CARD16: variants seen among roughly 807,000 people sequenced by gnomAD.
CARD16 encodes the protein caspase recruitment domain family member 16.
In CARD16, 8 loss-of-function variants were observed where a neutral mutation model predicts 11.9. The observed-to-expected ratio is 0.67, with a 90% CI of 0.39 to 1.21. The LOEUF (loss-of-function observed/expected upper bound fraction) is 1.21, where lower values mean the gene tolerates loss of function less well. Among genes scored for constraint, CARD16 ranks in the 50% most tolerant of loss-of-function variants. The pLI, the probability that CARD16 is intolerant of heterozygous loss-of-function variation, is 0.01. For synonymous variants in CARD16, 44 were observed against 43.8 expected (o/e 1.00, Z -0.02); for missense variants, 131 against 118.1 (o/e 1.11, Z -0.51).
chr11:105,042,223 C>G (rs540470921), intron 3 of CARD16, among the ~76,000 whole-genome samples: 211 of 152,056 alleles, frequency 1.4e-3, no homozygotes, highest in African/African-American at 4.9e-3. Context: ...TCAGCATCTC[C>G]TCCTACAATG....
At chr11:105,045,205 A>T (rs1864178680) in intron 1 of CARD16, 86 bp downstream of exon 1, 2 of 1,584,998 alleles carry the variant, frequency 1.3e-6, no homozygotes, top group Admixed American at 3.3e-5. Context: ...ACTTCCACAG[A>T]TACTAATTAT....
intron 1 of CARD16, chr11:105,044,934 GAAT>G: frequency 1.6e-6 from 1 of 622,502 alleles, no homozygotes; most frequent in Non-Finnish European, 2.8e-6. Context: ...ATTTAACTCT[GAAT>G]AATAAAGTAA....
chr11:105,043,064 G>A (rs569697863), intron 3 of CARD16, among the ~76,000 whole-genome samples: 3 of 152,176 alleles, frequency 2.0e-5, no homozygotes, highest in Middle Eastern at 6.8e-3. Context: ...GAGGAAGGGG[G>A]CCAAGATGAG....
chr11:105,044,734 C>A (rs1864170461), intron 1 of CARD16, 76 bp from the exon 2 acceptor site: 1 of 1,569,362 alleles, frequency 6.4e-7, no homozygotes, highest in South Asian at 1.2e-5. Context: ...AGAAAGTGAC[C>A]TCATTTAGAT....
intron 3 of CARD16, among the ~76,000 whole-genome samples, chr11:105,042,910 A>G (rs1864135828): frequency 6.6e-6 from 1 of 152,230 alleles, no homozygotes; most frequent in Admixed American, 6.5e-5. Flanking sequence ...GCTTTCAAAT[A>G]TAAGTTTCTT....
In CARD16 at chr11:105,043,575, C is replaced by G. The variant is rs113908181; in HGVS notation, c.275-30G>C. 224 of 1,522,000 alleles carry G rather than the reference C, an allele frequency of 1.5e-4. 1 individual carries two copies. The African/African-American group carries it at 2.8e-3, about 19-fold the overall frequency. 94.3% of individuals were successfully genotyped at this position (1,522,000 alleles called of 1,614,324 possible). On this transcript the variant is annotated intron_variant, in intron 2 of 3. Transcript: ENST00000673097. Reference sequence around the variant, plus strand: ...AAAAAGATGAAGAACATTGAAATAGCCACTTATCATCTCTGGAAAACTTTA... The same window carrying G: ...AAAAAGATGAAGAACATTGAAATAGGCACTTATCATCTCTGGAAAACTTTA...
rs377353282 is a variant in CARD16 at position 105,044,505 on chromosome 11, G to T, written c.161C>A (p.Thr54Asn). Residue 54 changes from threonine to asparagine, a missense_variant, in exon 2 of 4, where the codon ACC becomes AAC. By Grantham distance (65) the Thr-to-Asn change is moderately conservative. Transcript: ENST00000673097. ...KRENATVMDK[T>N]RALIDSVIPK... ...AATAACGGAGTCAATCAAAGCTCGG[G>T]TCTTATCCATAACTGTAGCATTTTC... The T allele has an allele frequency of 6.2e-6, 10 of 1,614,118 alleles. No homozygotes were observed. Among genetic ancestry groups the T allele is most frequent in the East Asian group, 2.2e-5 (1 of 44,884 alleles).
Position 105,044,604 on chromosome 11 carries a change from G to A in CARD16, c.62C>T (p.Thr21Ile), listed in dbSNP as rs777792557. The A allele has an allele frequency of 1.4e-5, 22 of 1,613,924 alleles. No individual in the cohort carries two copies. Among genetic ancestry groups the A allele is most frequent in the Non-Finnish European group, 1.7e-5 (20 of 1,179,974 alleles). Residue 21 changes from threonine to isoleucine, a missense_variant, in exon 2 of 4, where the codon ACA becomes ATA. Physicochemically the swap from Thr to Ile is moderately conservative, Grantham distance 89. Coordinates refer to ENST00000673097, the MANE Select transcript of CARD16 (RefSeq NM_052889.4). ...TAATTCATCCAGTAAGCCATTTATT[G>A]TACCTTCACCCATGGAATGGATAAA... ...KLFIHSMGEG[T>I]INGLLDELLQ...
chr11:105,042,293 C>T (rs692914), intron 3 of CARD16, among the ~76,000 whole-genome samples: 27,228 of 151,866 alleles, frequency 0.18, 2,634 homozygotes, highest in Admixed American at 0.26. Context: ...TAAAATAGAA[C>T]GATGAATGCT....
rs865828556 is a variant in CARD16, at chr11:105,043,657, A to G, written c.275-112T>C. ...TTCCTCCCACAACCCTGACTAAATG[A>G]CAATAAATAATGTTCAAGTGCACCA... is the stretch of plus-strand genomic sequence containing the variant. On this transcript the variant is annotated intron_variant, in intron 2 of 3. Transcript: ENST00000673097. The G allele has an allele frequency of 6.5e-5, 49 of 748,324 alleles. No individual in the cohort carries two copies. In the South Asian group the frequency reaches 7.5e-4, roughly 11 times the overall value. 46.4% of individuals were successfully genotyped at this position (748,324 alleles called of 1,614,324 possible).
intron 3 of CARD16, among the ~76,000 whole-genome samples, chr11:105,042,559 C>T (rs796558903): frequency 6.6e-6 from 1 of 152,016 alleles, no homozygotes. Flanking sequence ...TTTAATTTTG[C>T]AAACAAATTT....
chr11:105,041,784 G>C (rs1864117440), intron 3 of CARD16, 65 bp from the exon 4 acceptor site: 3 of 1,468,752 alleles, frequency 2.0e-6, no homozygotes, highest in African/African-American at 1.4e-5. Context: ...CTCACCTATG[G>C]AGGAAGCTAC....
intron 3 of CARD16, 65 bp downstream of exon 3, chr11:105,043,418 T>C: frequency 9.0e-7 from 1 of 1,110,306 alleles, no homozygotes; most frequent in Non-Finnish European, 1.4e-6. Context: ...CAGAGCTCAT[T>C]CCACTAAATT....
At chr11:105,045,216 G>A in intron 1 of CARD16, 75 bp downstream of exon 1, 2 of 1,600,606 alleles carry the variant, frequency 1.2e-6, no homozygotes, top group East Asian at 2.2e-5. Context: ...TACTAATTAT[G>A]GCTTCCAGAA....
chr11:105,045,037 G>T (rs1474273779), intron 1 of CARD16: 2 of 619,468 alleles, frequency 3.2e-6, no homozygotes, highest in Non-Finnish European at 5.6e-6. Flanking sequence ...ACTTACGACA[G>T]GTAAGCAAGG....
At chr11:105,041,789 A>C (rs539522914) in intron 3 of CARD16, 70 bp from the exon 4 acceptor site, 1 of 1,425,806 alleles carries the variant, frequency 7.0e-7, no homozygotes, top group Admixed American at 2.0e-5. Flanking sequence ...CTATGGAGGA[A>C]GCTACAAAAG....
intron 1 of CARD16, 184 bp downstream of exon 1, chr11:105,045,107 G>A: frequency 1.2e-6 from 1 of 805,398 alleles, no homozygotes; most frequent in Non-Finnish European, 2.0e-6. Context: ...TCCTTTCTGG[G>A]CTTGCCTTTT....
intron 2 of CARD16, chr11:105,043,977 G>A (rs973520328): frequency 4.3e-5 from 11 of 253,616 alleles, no homozygotes; most frequent in African/African-American, 2.2e-4. Flanking sequence ...GCAAAAGTTT[G>A]AAAAGAATTT....
rs138551275 is a variant in CARD16, at chr11:105,041,664, G to A, written c.*99C>T. The stretch of plus-strand genomic sequence containing the variant: ...CTTCTAGAAAGCAAAGCTTGATTCT[G>A]CCTTCTGGGCTTGAGCATGTGGGCA... On this transcript the variant is annotated 3_prime_UTR_variant, in exon 4 of 4. Transcript: ENST00000673097. 5.2e-5 allele frequency: 84 copies of A among 1,613,876 alleles called. No homozygotes were observed. Among genetic ancestry groups the A allele is most frequent in the Middle Eastern group, 1.6e-4 (1 of 6,084 alleles).
Sources: allele counts gnomAD v4.1 joint callset (sites outside exome capture counted in the v4.1 genomes callset), GRCh38; gene constraint gnomAD v4.1.1; transcripts MANE v1.5; gene names NCBI Gene and HGNC (gene_info 2026-07-23, HGNC 2026-07-21).